CSMD1: variants seen among roughly 807,000 people sequenced by gnomAD.
CSMD1 encodes CUB and sushi domain-containing protein 1.
CSMD1 carries 213 observed loss-of-function variants against 417.5 expected under a neutral mutation model. The ratio of observed to expected loss-of-function variants is 0.51; its 90% CI spans 0.46 to 0.57. CSMD1 has a LOEUF of 0.57. CSMD1 is among the 20% of genes least tolerant of loss of function. CSMD1 has a pLI of 0.00. For missense variants in CSMD1, 6,923 were observed against 4,529.7 expected (o/e 1.53, Z -15.17); for synonymous variants, 2,862 against 1,736.8 (o/e 1.65, Z -16.11).
chr8:3,261,010 A>G (rs923641296), intron 26 of CSMD1, among the ~76,000 whole-genome samples: 4 of 151,990 alleles, frequency 2.6e-5, no homozygotes, highest in African/African-American at 9.7e-5. Flanking sequence ...CAACAAACAA[A>G]TACCAAAAAA....
chr8:4,064,912 A>G (rs575932667), intron 3 of CSMD1, among the ~76,000 whole-genome samples: 1 of 147,130 alleles, frequency 6.8e-6, no homozygotes, highest in Non-Finnish European at 1.5e-5. Flanking sequence ...AATTCCATTG[A>G]GAATAGGACC....
At chr8:4,096,961 A>C (rs979228640) in intron 3 of CSMD1, among the ~76,000 whole-genome samples, 2 of 152,230 alleles carry the variant, frequency 1.3e-5, no homozygotes, top group African/African-American at 4.8e-5. Flanking sequence ...TAGATGTGTG[A>C]GCCAGTGAGT....
At chr8:3,089,130 A>G (rs1563326639) in intron 48 of CSMD1, among the ~76,000 whole-genome samples, 1 of 152,192 alleles carries the variant, frequency 6.6e-6, no homozygotes, top group Non-Finnish European at 1.5e-5. Flanking sequence ...GGGCCCTGCC[A>G]GCCCAACTCC....
chr8:4,850,380 A>ATTTTTTT (rs1403352847), intron 1 of CSMD1, among the ~76,000 whole-genome samples: 3 of 82,766 alleles, frequency 3.6e-5, no homozygotes, highest in African/African-American at 1.5e-4. Context: ...AATCCAATTT[A>ATTTTTTT]TCTTTTTTTT....
chr8:4,601,039 C>T (rs914299628), intron 2 of CSMD1, among the ~76,000 whole-genome samples: 1 of 151,556 alleles, frequency 6.6e-6, no homozygotes, highest in Non-Finnish European at 1.5e-5. Flanking sequence ...TCACTGCAAC[C>T]TCCGTCTCCC....
At chr8:4,282,013 T>C (rs2128860363) in intron 3 of CSMD1, among the ~76,000 whole-genome samples, 1 of 152,366 alleles carries the variant, frequency 6.6e-6, no homozygotes, top group South Asian at 2.1e-4. Flanking sequence ...TCATGTTCTC[T>C]TGAGATGTGA....
intron 13 of CSMD1, among the ~76,000 whole-genome samples, chr8:3,408,828 CTG>C (rs1465254986): frequency 1.3e-5 from 2 of 151,924 alleles, no homozygotes; most frequent in Non-Finnish European, 2.9e-5. Context: ...GAGGGAGAAA[CTG>C]TTGGATTTAT....
intron 3 of CSMD1, among the ~76,000 whole-genome samples, chr8:4,308,908 T>G (rs1426993115): frequency 6.6e-6 from 1 of 152,112 alleles, no homozygotes; most frequent in Non-Finnish European, 1.5e-5. Context: ...ACTCAGAAAA[T>G]ATCAAAGGTC....
At chr8:4,312,383 A>ATATGTATACACACG (rs1798663995) in intron 3 of CSMD1, among the ~76,000 whole-genome samples, 1 of 67,158 alleles carries the variant, frequency 1.5e-5, no homozygotes, top group African/African-American at 5.2e-5. Flanking sequence ...ACAAATATAT[A>ATATGTATACACACG]TATATATATA....
intron 50 of CSMD1, among the ~76,000 whole-genome samples, chr8:3,030,545 C>T (rs1048831095): frequency 2.6e-5 from 4 of 152,014 alleles, no homozygotes; most frequent in East Asian, 1.9e-4. Context: ...GGCATGATCA[C>T]GGCTCACTGC....
At chr8:3,809,915 CCTCATTTA>C (rs1800968255) in intron 5 of CSMD1, among the ~76,000 whole-genome samples, 1 of 152,224 alleles carries the variant, frequency 6.6e-6, no homozygotes. Context: ...TTAATCTAAT[CCTCATTTA>C]CTTCATATAC....
At chr8:3,630,752 G>A (rs954078063) in intron 7 of CSMD1, among the ~76,000 whole-genome samples, 4 of 152,094 alleles carry the variant, frequency 2.6e-5, no homozygotes, top group Non-Finnish European at 5.9e-5. Context: ...CTGAGCCAAC[G>A]GTGGTAGCAC....
At chr8:4,910,327 T>A (rs58787067) in intron 1 of CSMD1, among the ~76,000 whole-genome samples, 1 of 152,322 alleles carries the variant, frequency 6.6e-6, no homozygotes, top group Admixed American at 6.5e-5. Flanking sequence ...TTTCTGTCAA[T>A]GTTGATGATG....
intron 5 of CSMD1, among the ~76,000 whole-genome samples, chr8:3,808,352 T>A (rs1297605008): frequency 6.6e-6 from 1 of 152,088 alleles, no homozygotes; most frequent in Non-Finnish European, 1.5e-5. Context: ...AATGTTTGGG[T>A]CTTGGTATAT....
At chr8:3,891,077 C>G (rs899057528) in intron 5 of CSMD1, among the ~76,000 whole-genome samples, 1 of 151,584 alleles carries the variant, frequency 6.6e-6, no homozygotes, top group Non-Finnish European at 1.5e-5. Context: ...GAGACAGGAT[C>G]TCACTCTGTC....
intron 5 of CSMD1, among the ~76,000 whole-genome samples, chr8:3,982,161 A>AATAATAATC (rs1452619475): frequency 6.3e-4 from 11 of 17,566 alleles, no homozygotes; most frequent in African/African-American, 3.6e-3. Context: ...CTATCTCAAA[A>AATAATAATC]ATAATAATAA....
chr8:3,704,884 T>A (rs1210238858), intron 7 of CSMD1: 1 of 152,246 alleles, frequency 6.6e-6, no homozygotes, highest in East Asian at 1.9e-4. Flanking sequence ...GGGAGGGTAA[T>A]AATGAACAGG....
At chr8:4,286,767 T>A (rs1031557695) in intron 3 of CSMD1, among the ~76,000 whole-genome samples, 4 of 152,202 alleles carry the variant, frequency 2.6e-5, no homozygotes, top group Non-Finnish European at 5.9e-5. Flanking sequence ...TTAGTTTTCT[T>A]TCCCATCGCC....
intron 3 of CSMD1, among the ~76,000 whole-genome samples, chr8:4,378,846 A>AGAT (rs1802917993): frequency 6.6e-6 from 1 of 152,166 alleles, no homozygotes; most frequent in Non-Finnish European, 1.5e-5. Flanking sequence ...CATAGAAGGC[A>AGAT]TAATCTATGA....
Sources: gnomAD v4.1 joint callset for allele counts (sites outside exome capture counted in the v4.1 genomes callset) on GRCh38, gnomAD v4.1.1 for gene constraint, MANE v1.5 for transcripts, NCBI Gene and HGNC (gene_info 2026-07-23, HGNC 2026-07-21) for gene names.